The following TEX101 variants were observed in gnomAD, a reference collection of about 807,000 sequenced individuals.
TEX101 encodes testis-expressed protein 101.
Under a neutral mutation model 18.1 loss-of-function variants are expected in TEX101, and 10 were observed. The ratio of observed to expected loss-of-function variants is 0.55; its 90% CI spans 0.34 to 0.94. The LOEUF (loss-of-function observed/expected upper bound fraction) is 0.94, where lower values mean the gene tolerates loss of function less well. Among genes scored for constraint, TEX101 ranks in the 40% least tolerant of loss-of-function variants. The pLI, the probability that TEX101 is intolerant of heterozygous loss-of-function variation, is 0.02. For missense variants in TEX101, 259 were observed against 298.9 expected, an observed-to-expected ratio of 0.87 and a Z score of 0.98; for synonymous variants, 94 against 114.8, an observed-to-expected ratio of 0.82 and a Z score of 1.16.
At chr19:43,412,646 A>G (rs2122339004), upstream of TEX101, among the ~76,000 whole-genome samples, 1 of 152,174 alleles carries the variant, frequency 6.6e-6, no homozygotes, top group South Asian at 2.1e-4. Context: ...CCCTCGGGGG[A>G]CAGACGGGGG....
the TEX101 span, among the ~76,000 whole-genome samples, chr19:43,391,368 C>G: frequency 6.6e-6 from 1 of 150,770 alleles, no homozygotes; most frequent in Non-Finnish European, 1.5e-5. Flanking sequence ...ACAAGCGTTC[C>G]AATTCCTCCT....
rs1491001736 is a variant in TEX101 at position 43,415,054 on chromosome 19, G to A, written c.-40+16G>A. 1.0e-6 allele frequency: 1 copy of A among 985,304 alleles called. No homozygotes were observed. The highest frequency in any genetic ancestry group is 6.2e-5 in the Admixed American group (1 of 16,250). The allele number at this position is 985,304 out of a possible 1,614,324, so 61.0% of individuals were successfully genotyped here. A position where few individuals can be genotyped will look rare whatever the true frequency, so the allele number is the denominator to read the frequency against. On this transcript the variant is annotated intron_variant, in intron 1 of 5. Transcript: ENST00000598265. ...GGATTCTGAGGAAAGAGAAGGCTGGGGACCCAGATCCTGGCTCTGAGGGGA... is the reference window on the plus strand; with the variant it reads ...GGATTCTGAGGAAAGAGAAGGCTGGAGACCCAGATCCTGGCTCTGAGGGGA...
At chr19:43,413,566 G>C (rs1276910218), upstream of TEX101, among the ~76,000 whole-genome samples, 1 of 151,728 alleles carries the variant, frequency 6.6e-6, no homozygotes, top group East Asian at 1.9e-4. Context: ...GTCTGCTGAG[G>C]CTCCCGGCCA....
upstream of TEX101, among the ~76,000 whole-genome samples, chr19:43,412,324 C>G (rs1173774277): frequency 6.6e-6 from 1 of 152,136 alleles, no homozygotes; most frequent in East Asian, 1.9e-4. Flanking sequence ...CTGGCAAGGA[C>G]TCACTCATCA....
At chr19:43,392,218 G>A in the TEX101 span, among the ~76,000 whole-genome samples, 1 of 151,834 alleles carries the variant, frequency 6.6e-6, no homozygotes, top group Non-Finnish European at 1.5e-5. Flanking sequence ...AGAGAAGGAG[G>A]GAGAGGAGAG....
intron 2 of TEX101, among the ~76,000 whole-genome samples, chr19:43,405,718 A>C (rs1970355236): frequency 6.6e-6 from 1 of 151,914 alleles, no homozygotes; most frequent in Admixed American, 6.6e-5. Flanking sequence ...GGAAGTCAGG[A>C]GTTTGAGACC....
intron 2 of TEX101, 21 bp from the exon 3 acceptor site, chr19:43,416,078 C>G: frequency 6.2e-7 from 1 of 1,606,478 alleles, no homozygotes; most frequent in Non-Finnish European, 8.5e-7. Flanking sequence ...AGTGCTTATC[C>G]TTTTCTTGTT....
intron 2 of TEX101, among the ~76,000 whole-genome samples, chr19:43,405,438 C>T (rs146433091): frequency 1.1e-4 from 16 of 148,926 alleles, no homozygotes; most frequent in African/African-American, 2.7e-4. Flanking sequence ...ATTAGCCTGG[C>T]GAGGTGGCAC....
the TEX101 span, among the ~76,000 whole-genome samples, chr19:43,395,761 G>C: frequency 6.6e-6 from 1 of 152,240 alleles, no homozygotes; most frequent in African/African-American, 2.4e-5. Context: ...GCCCAAAGCA[G>C]CTGCCGTTGT....
intron 3 of TEX101, among the ~76,000 whole-genome samples, chr19:43,406,930 TG>T (rs1340111218): frequency 1.8e-4 from 19 of 105,192 alleles, no homozygotes; most frequent in East Asian, 4.6e-4. Context: ...CTTTGTTTTT[TG>T]TTTTTTTTTT....
At chr19:43,392,498 A>G in the TEX101 span, among the ~76,000 whole-genome samples, 7 of 152,148 alleles carry the variant, frequency 4.6e-5, no homozygotes, top group South Asian at 2.1e-4. Flanking sequence ...CCTCACCCTC[A>G]TCCTTGTCCT....
At chr19:43,399,593 CTTGA>C (rs1970301924), upstream of TEX101, among the ~76,000 whole-genome samples, 1 of 152,048 alleles carries the variant, frequency 6.6e-6, no homozygotes, top group African/African-American at 2.4e-5. Flanking sequence ...TACTGTGATA[CTTGA>C]TTATTTTCCT....
At chr19:43,391,406 C>CTT in the TEX101 span, among the ~76,000 whole-genome samples, 67 of 95,884 alleles carry the variant, frequency 7.0e-4, no homozygotes, top group East Asian at 9.6e-4. Context: ...TTCTGTTTTT[C>CTT]TTTTTTTTTT....
chr19:43,411,422 A>C (rs1970418248), upstream of TEX101, among the ~76,000 whole-genome samples: 1 of 152,064 alleles, frequency 6.6e-6, no homozygotes, highest in African/African-American at 2.4e-5. Flanking sequence ...CTTGCAATTA[A>C]GAGATCGCTC....
chr19:43,393,445 C>T, the TEX101 span, among the ~76,000 whole-genome samples: 1 of 151,666 alleles, frequency 6.6e-6, no homozygotes, highest in African/African-American at 2.4e-5. Flanking sequence ...CACTGTAAAC[C>T]AGGCATAGAT....
At chr19:43,410,421 AATG>A (rs1232323814), upstream of TEX101, among the ~76,000 whole-genome samples, 1 of 152,060 alleles carries the variant, frequency 6.6e-6, no homozygotes, top group Admixed American at 6.6e-5. Context: ...TTAGACAGGG[AATG>A]ATAAGGGTGA....
chr19:43,392,270 G>T, the TEX101 span, among the ~76,000 whole-genome samples: 3 of 152,110 alleles, frequency 2.0e-5, no homozygotes, highest in South Asian at 4.1e-4. Flanking sequence ...AGCCAGAGAA[G>T]TAGAAGGTGA....
chr19:43,414,903 G>T lies in TEX101; in HGVS notation c.-175G>T, dbSNP rs540140506. The T allele has an allele frequency of 1.0e-5, 10 of 985,482 alleles. No individual in the cohort carries two copies. In the South Asian group the frequency reaches 1.9e-4, roughly 19 times the overall value. The allele number at this position is 985,482 out of a possible 1,614,324, so 61.0% of individuals were successfully genotyped here. A position where few individuals can be genotyped will look rare whatever the true frequency, so the allele number is the denominator to read the frequency against. On this transcript the variant is annotated 5_prime_UTR_variant, in exon 1 of 6. Coordinates refer to ENST00000598265, the MANE Select transcript of TEX101 (RefSeq NM_001130011.3). The stretch of plus-strand genomic sequence containing the variant: ...GCCTTGCGTCGTAAGAGAATGCCAA[G>T]CCCGGGGAGAAGGCGTTCCGGGCCT...
intron 1 of TEX101, 105 bp downstream of exon 1, chr19:43,415,143 A>C (rs933334781): frequency 5.9e-6 from 5 of 843,254 alleles, no homozygotes; most frequent in Non-Finnish European, 7.1e-6. Context: ...TGTGTCCCGC[A>C]GGAAAAGGTG....
Sources: allele counts gnomAD v4.1 joint callset (sites outside exome capture counted in the v4.1 genomes callset), GRCh38; gene constraint gnomAD v4.1.1; transcripts MANE v1.5; gene names NCBI Gene and HGNC (gene_info 2026-07-23, HGNC 2026-07-21).